The following CWF19L1 variants were observed in gnomAD, a reference collection of about 807,000 sequenced individuals.
CWF19L1 encodes CWF19 like cell cycle control factor 1.
In CWF19L1, 60 loss-of-function variants were observed where a neutral mutation model predicts 69.7. The observed-to-expected ratio is 0.86, with a 90% CI of 0.70 to 1.07. CWF19L1 has a LOEUF of 1.07. Among genes scored for constraint, CWF19L1 ranks in the 50% least tolerant of loss-of-function variants. The pLI is 0.00. For missense variants in CWF19L1, 591 were observed against 638.9 expected (o/e 0.92, Z 0.81); for synonymous variants, 209 against 222.2 (o/e 0.94, Z 0.53).
chr10:100,250,220 ACCTT>A, intron 7 of CWF19L1, 24 bp downstream of exon 7: 1 of 1,420,844 alleles, frequency 7.0e-7, no homozygotes. Flanking sequence ...ATGAATATCA[ACCTT>A]CCACCAAATA....
At chr10:100,242,250 C>T (rs1418021159) in intron 10 of CWF19L1, among the ~76,000 whole-genome samples, 1 of 152,232 alleles carries the variant, frequency 6.6e-6, no homozygotes, top group African/African-American at 2.4e-5. Context: ...TAGATACTCA[C>T]ACCAGGAGTG....
intron 10 of CWF19L1, among the ~76,000 whole-genome samples, chr10:100,243,109 T>C (rs1452966390): frequency 1.3e-5 from 2 of 152,182 alleles, no homozygotes; most frequent in Non-Finnish European, 2.9e-5. Context: ...GCAAATCCAT[T>C]CCTAGGTCTA....
intron 6 of CWF19L1, among the ~76,000 whole-genome samples, chr10:100,252,470 C>G (rs924938892): frequency 1.3e-5 from 2 of 151,514 alleles, no homozygotes; most frequent in African/African-American, 4.9e-5. Context: ...ACCTACTATG[C>G]TACTATGTAC....
chr10:100,237,065 G>C, intron 11 of CWF19L1, 96 bp from the exon 12 acceptor site: 1 of 1,395,272 alleles, frequency 7.2e-7, no homozygotes, highest in Non-Finnish European at 9.8e-7. Context: ...TCACAGGGGT[G>C]GAGAAACACC....
intron 6 of CWF19L1, among the ~76,000 whole-genome samples, chr10:100,252,119 T>C (rs1390769492): frequency 2.0e-5 from 3 of 152,240 alleles, no homozygotes; most frequent in African/African-American, 7.2e-5. Context: ...GGATAATCCA[T>C]GCCCTTTATC....
intron 10 of CWF19L1, among the ~76,000 whole-genome samples, chr10:100,241,134 G>A (rs983495890): frequency 2.0e-5 from 3 of 148,868 alleles, no homozygotes; most frequent in African/African-American, 7.5e-5. Context: ...AGCCTCCTGA[G>A]TAGCTGGGAT....
intron 10 of CWF19L1, among the ~76,000 whole-genome samples, chr10:100,239,926 G>C (rs1302068191): frequency 6.6e-6 from 1 of 152,102 alleles, no homozygotes; most frequent in Non-Finnish European, 1.5e-5. Flanking sequence ...TTGTTTAAAA[G>C]GTTACTCTAG....
At chr10:100,237,242 T>C in intron 11 of CWF19L1, 1 of 637,664 alleles carries the variant, frequency 1.6e-6, no homozygotes, top group South Asian at 1.4e-5. Context: ...ATTATATATG[T>C]GGCAGAGTTA....
rs768938332 is a variant in CWF19L1, at chr10:100,261,038, A to G, written c.115T>C (p.Leu39=). The change falls in exon 3 of 14, where the codon TTG becomes CTG. Residue 39 remains leucine, a synonymous_variant. Coordinates refer to ENST00000354105, the MANE Select transcript of CWF19L1 (RefSeq NM_018294.6). ...GAGCCAAAGAAATTTCCTACACACA[A>G]CAGCAGCTAAAATGAGTTTTTTAAA... ...QKKSGNFDLL[L]CVGNFFGSTQ... 1 of 1,611,358 alleles carries G rather than the reference A, an allele frequency of 6.2e-7. No individual in the cohort carries two copies. The highest frequency in any genetic ancestry group is 8.5e-7 in the Non-Finnish European group (1 of 1,178,018).
intron 1 of CWF19L1, among the ~76,000 whole-genome samples, chr10:100,264,841 C>T (rs1379018488): frequency 1.3e-5 from 2 of 151,980 alleles, no homozygotes; most frequent in African/African-American, 4.8e-5. Context: ...AAGTTTAAAG[C>T]CAGGCACAGT....
chr10:100,245,482 C>G (rs942633733), intron 9 of CWF19L1, among the ~76,000 whole-genome samples: 1 of 152,184 alleles, frequency 6.6e-6, no homozygotes, highest in Admixed American at 6.5e-5. Flanking sequence ...AAAAGCATCA[C>G]CCCTAGAGAA....
chr10:100,251,138 G>A (rs934778533), intron 6 of CWF19L1, among the ~76,000 whole-genome samples: 4 of 152,024 alleles, frequency 2.6e-5, no homozygotes, highest in African/African-American at 9.7e-5. Context: ...GGACATTTGG[G>A]TTGTTTGCAT....
rs1846845337 is a variant in CWF19L1 at position 100,246,946 on chromosome 10, A to G, written c.709-11T>C. ...GAACGCGTAAAGATACTTTAGAGAAAAAGAACATAATGACATTAGGGGAAA... is the reference window on the plus strand; with the variant it reads ...GAACGCGTAAAGATACTTTAGAGAAGAAGAACATAATGACATTAGGGGAAA... On this transcript the variant is annotated splice_polypyrimidine_tract_variant and intron_variant, in intron 7 of 13. Coordinates refer to ENST00000354105, the MANE Select transcript of CWF19L1 (RefSeq NM_018294.6). 1.3e-6 allele frequency: 2 copies of G among 1,594,296 alleles called. No homozygotes were observed. The highest frequency in any genetic ancestry group is 1.3e-5 in the African/African-American group (1 of 74,644).
chr10:100,263,483 A>C (rs1847471870), intron 1 of CWF19L1, among the ~76,000 whole-genome samples: 1 of 152,200 alleles, frequency 6.6e-6, no homozygotes, highest in African/African-American at 2.4e-5. Context: ...ATAAACTAAT[A>C]TGACTTTTAT....
At chr10:100,251,555 A>G (rs1394507414) in intron 6 of CWF19L1, among the ~76,000 whole-genome samples, 1 of 120,038 alleles carries the variant, frequency 8.3e-6, no homozygotes, top group Non-Finnish European at 1.6e-5. Context: ...TCTGTTGCCC[A>G]GGCTGGAGTG....
At chr10:100,262,194 T>A in intron 1 of CWF19L1, 131 bp from the exon 2 acceptor site, 1 of 1,403,460 alleles carries the variant, frequency 7.1e-7, no homozygotes, top group South Asian at 1.7e-5. Flanking sequence ...CAAGGTTCAG[T>A]GCACGTAAAC....
intron 1 of CWF19L1, among the ~76,000 whole-genome samples, chr10:100,264,825 C>T (rs1847518742): frequency 6.6e-6 from 1 of 151,582 alleles, no homozygotes; most frequent in South Asian, 2.1e-4. Flanking sequence ...TAGTTTGCAA[C>T]AAAACAAGTT....
rs959818430 is a variant in CWF19L1, at chr10:100,236,851, T to G, written c.1373A>C (p.Gln458Pro). The change falls in exon 12 of 14, where the codon CAG becomes CCG. Residue 458 changes from glutamine to proline, a missense_variant and splice_region_variant. Transcript: ENST00000354105. ...GAATATCACCATCCCCTGTTTCACC[T>G]GCTTGATGTCAGAGTGCTCTGGGAT... Reference protein sequence around the residue: ...LEIPEHSDIKQIAQPGAAYFY... With the variant: ...LEIPEHSDIKPIAQPGAAYFY... 2 of 1,588,054 alleles carry G rather than the reference T, an allele frequency of 1.3e-6. No individual in the cohort carries two copies. The highest frequency in any genetic ancestry group is 2.7e-5 in the African/African-American group (2 of 73,422).
At chr10:100,250,976 T>C (rs780503986) in intron 6 of CWF19L1, among the ~76,000 whole-genome samples, 1 of 150,396 alleles carries the variant, frequency 6.6e-6, no homozygotes, top group East Asian at 1.9e-4. Context: ...AAAAAAAAAA[T>C]GTAGTCCTTT....
Sources: allele counts gnomAD v4.1 joint callset (sites outside exome capture counted in the v4.1 genomes callset), GRCh38; gene constraint gnomAD v4.1.1; transcripts MANE v1.5; gene names NCBI Gene and HGNC (gene_info 2026-07-23, HGNC 2026-07-21).